Variants in PRPF3 observed in about 807,000 individuals in gnomAD.
PRPF3 encodes the protein U4/U6 small nuclear ribonucleoprotein Prp3.
In PRPF3, 3 loss-of-function variants were observed where a neutral mutation model predicts 89.2. The observed-to-expected ratio is 0.03, with a 90% CI of 0.02 to 0.09. PRPF3 has a LOEUF of 0.09. Among genes scored for constraint, PRPF3 ranks in the 10% least tolerant of loss-of-function variants. The pLI is 1.00. For synonymous variants in PRPF3, 270 were observed against 289.1 expected, an observed-to-expected ratio of 0.93 and a Z score of 0.67; for missense variants, 463 against 828.8, an observed-to-expected ratio of 0.56 and a Z score of 5.42.
chr1:150,325,306 T>C (rs1655580103), intron 2 of PRPF3, among the ~76,000 whole-genome samples: 1 of 152,198 alleles, frequency 6.6e-6, no homozygotes, highest in Non-Finnish European at 1.5e-5. Flanking sequence ...AATCTTCGTT[T>C]GGCTACCATA....
intron 10 of PRPF3, 141 bp from the exon 11 acceptor site, chr1:150,344,021 G>A: frequency 4.0e-6 from 3 of 751,740 alleles, no homozygotes; most frequent in Non-Finnish European, 7.0e-6. Context: ...GGATTTTCAA[G>A]ATAGGAGTTA....
chr1:150,349,711 A>G (rs1357864054), intron 15 of PRPF3, among the ~76,000 whole-genome samples: 1 of 152,166 alleles, frequency 6.6e-6, no homozygotes, highest in Non-Finnish European at 1.5e-5. Context: ...ATGAAATTAG[A>G]TAATTATGTG....
rs1277401910 is a variant in PRPF3, at chr1:150,323,746, G to C, written c.-48-1149G>C. ...CTGTATGCAGAATTCCCACTGGGAT[G>C]AATATGACCACAGAGAAATGTGACA... is the stretch of plus-strand genomic sequence containing the variant. On this transcript the variant is annotated intron_variant, in intron 1 of 15. Coordinates refer to ENST00000324862, the MANE Select transcript of PRPF3 (RefSeq NM_004698.4). Among the ~76,000 whole-genome samples, 11 of 150,246 alleles carry C rather than the reference G, an allele frequency of 7.3e-5. No homozygotes were observed. The Admixed American group carries it at 7.3e-4, about 10-fold the overall frequency.
chr1:150,353,143 G>C lies in PRPF3; in HGVS notation c.*164G>C, dbSNP rs1255214732. 2 of 873,514 alleles carry C rather than the reference G, an allele frequency of 2.3e-6. No individual in the cohort carries two copies. The highest frequency in any genetic ancestry group is 3.8e-6 in the Non-Finnish European group (2 of 530,510). The allele number at this position is 873,514 out of a possible 1,614,324, so 54.1% of individuals were successfully genotyped here. ...TCTTGCTCCCCTCCTGAGTCAGCCTGGTGTTGCCCTTTATTCCCCTTATGT... is the reference window on the plus strand; with the variant it reads ...TCTTGCTCCCCTCCTGAGTCAGCCTCGTGTTGCCCTTTATTCCCCTTATGT... On this transcript the variant is annotated 3_prime_UTR_variant, in exon 16 of 16. Transcript: ENST00000324862.
intron 1 of PRPF3, among the ~76,000 whole-genome samples, chr1:150,323,433 A>T (rs1289843103): frequency 1.3e-5 from 2 of 151,772 alleles, no homozygotes; most frequent in Admixed American, 1.3e-4. Context: ...CACTTGAGGT[A>T]AGGCATTACC....
At chr1:150,351,486 T>G (rs1468530570) in intron 15 of PRPF3, among the ~76,000 whole-genome samples, 1 of 152,032 alleles carries the variant, frequency 6.6e-6, no homozygotes, top group Non-Finnish European at 1.5e-5. Flanking sequence ...ACCTGCATAT[T>G]TGTTATCTTT....
At chr1:150,352,372 A>G (rs1659017901) in intron 15 of PRPF3, among the ~76,000 whole-genome samples, 1 of 152,232 alleles carries the variant, frequency 6.6e-6, no homozygotes, top group Non-Finnish European at 1.5e-5. Context: ...ATCTCATACA[A>G]ATATCCAAGG....
intron 6 of PRPF3, 32 bp downstream of exon 6, chr1:150,333,231 T>A: frequency 6.2e-7 from 1 of 1,605,432 alleles, no homozygotes; most frequent in Non-Finnish European, 8.5e-7. Context: ...TACCTTTTCA[T>A]TTCTGAAGTT....
At chr1:150,351,905 A>C (rs1553874478) in intron 15 of PRPF3, among the ~76,000 whole-genome samples, 1 of 152,018 alleles carries the variant, frequency 6.6e-6, no homozygotes, top group East Asian at 1.9e-4. Flanking sequence ...TTAGAGAACC[A>C]GTATTAATGT....
intron 14 of PRPF3, among the ~76,000 whole-genome samples, chr1:150,347,377 A>G (rs940369060): frequency 6.6e-6 from 1 of 152,076 alleles, no homozygotes; most frequent in Non-Finnish European, 1.5e-5. Context: ...ATGCTCTTCA[A>G]CTTAATGATG....
intron 10 of PRPF3, among the ~76,000 whole-genome samples, chr1:150,343,792 T>A (rs1486884622): frequency 2.0e-5 from 3 of 152,196 alleles, no homozygotes; most frequent in South Asian, 4.1e-4. Flanking sequence ...ACAATGAAAG[T>A]ACAGGATAAA....
At position 150,346,261 on chromosome 1, in the gene PRPF3, C is replaced by T. The variant is rs1658262006; in HGVS notation, c.1759+125C>T. 4 of 1,225,150 alleles carry T rather than the reference C, an allele frequency of 3.3e-6. No homozygotes were observed. In the African/African-American group the frequency reaches 4.5e-5, roughly 14 times the overall value. The allele number at this position is 1,225,150 out of a possible 1,614,324, so 75.9% of individuals were successfully genotyped here. A position where few individuals can be genotyped will look rare whatever the true frequency, so the allele number is the denominator to read the frequency against. On this transcript the variant is annotated intron_variant, in intron 13 of 15. Transcript: ENST00000324862. ...CCATACCTGATATAATATGCTAGGT[C>T]TCTGCTTCTGTGTTTTTTGGAGTAG... is the stretch of plus-strand genomic sequence containing the variant.
Position 150,338,146 on chromosome 1 carries a change from T to A in PRPF3, c.1036-14T>A. ...TCCAATTTATCTTTCTGTCTTGGAT[T>A]ATCTTGTTTTTAGGCTCAACTGGAG... On this transcript the variant is annotated splice_polypyrimidine_tract_variant and intron_variant, in intron 7 of 15. Coordinates refer to ENST00000324862, the MANE Select transcript of PRPF3 (RefSeq NM_004698.4). The A allele has an allele frequency of 6.2e-7, 1 of 1,613,832 alleles. No homozygotes were observed. Among genetic ancestry groups the A allele is most frequent in the Non-Finnish European group, 8.5e-7 (1 of 1,179,840 alleles).
intron 14 of PRPF3, among the ~76,000 whole-genome samples, chr1:150,348,460 A>ATTTTTTTTTTTTT (rs1185909509): frequency 0.28 from 13,136 of 47,598 alleles, 4,764 homozygotes; most frequent in East Asian, 0.32. Context: ...CTACACGTGC[A>ATTTTTTTTTTTTT]TTTTTTTTTT....
chr1:150,327,283 G>C (rs1360379726), intron 3 of PRPF3, among the ~76,000 whole-genome samples: 3 of 151,916 alleles, frequency 2.0e-5, no homozygotes, highest in African/African-American at 7.3e-5. Flanking sequence ...GATCAGGTTG[G>C]TCTCGAACTC....
chr1:150,336,732 G>A (rs1553867951), intron 7 of PRPF3, among the ~76,000 whole-genome samples: 1 of 151,704 alleles, frequency 6.6e-6, no homozygotes, highest in African/African-American at 2.4e-5. Context: ...CTCCAGCATG[G>A]GCAAAAGAGC....
At chr1:150,328,580 T>G in intron 4 of PRPF3, 114 bp downstream of exon 4, 1 of 958,132 alleles carries the variant, frequency 1.0e-6, no homozygotes, top group Non-Finnish European at 1.5e-6. Context: ...GAGGTGGAGT[T>G]TTGCTCTTGT....
At chr1:150,322,448 T>C (rs1164015771) in intron 1 of PRPF3, among the ~76,000 whole-genome samples, 2 of 152,258 alleles carry the variant, frequency 1.3e-5, no homozygotes, top group Non-Finnish European at 2.9e-5. Flanking sequence ...CCCAACTGTT[T>C]CTGTGTGAAC....
rs587734761 is a variant in PRPF3, at chr1:150,325,930, AAC to A, written c.276+51_276+52del. The A allele has an allele frequency of 1.6e-4, 261 of 1,602,256 alleles. No individual in the cohort carries two copies. The African/African-American group carries it at 3.1e-3, about 19-fold the overall frequency. On this transcript the variant is annotated intron_variant, in intron 3 of 15. Coordinates refer to ENST00000324862, the MANE Select transcript of PRPF3 (RefSeq NM_004698.4). ...TGAGCTCAGGACTGTTTTGAATGGTAACAGAGTTGCTGAGCTTACCAGTTCAC... is the reference window on the plus strand; with the variant it reads ...TGAGCTCAGGACTGTTTTGAATGGTAAGAGTTGCTGAGCTTACCAGTTCAC...
Sources: allele counts gnomAD v4.1 joint callset (sites outside exome capture counted in the v4.1 genomes callset), GRCh38; gene constraint gnomAD v4.1.1; transcripts MANE v1.5; gene names NCBI Gene and HGNC (gene_info 2026-07-23, HGNC 2026-07-21).